The following PRKN variants were observed in gnomAD, a reference collection of about 807,000 sequenced individuals.
PRKN encodes E3 ubiquitin-protein ligase parkin.
In PRKN, 56 loss-of-function variants were observed where a neutral mutation model predicts 59.5. The ratio of observed to expected loss-of-function variants is 0.94; its 90% CI spans 0.76 to 1.18. The LOEUF (loss-of-function observed/expected upper bound fraction) is 1.18. Ranked by LOEUF, PRKN falls within the 50% of genes most tolerant of loss-of-function variation. PRKN has a pLI of 0.00. For synonymous variants in PRKN, 250 were observed against 222.1 expected (o/e 1.13, Z -1.12); for missense variants, 657 against 596.4 (o/e 1.10, Z -1.06).
chr6:162,640,601 G>T (rs576850896), intron 1 of PRKN, among the ~76,000 whole-genome samples: 3 of 152,296 alleles, frequency 2.0e-5, no homozygotes, highest in African/African-American at 7.2e-5. Context: ...AATTAAATTA[G>T]TCTCATCAGT....
At chr6:161,648,679 C>T (rs1253542588) in intron 7 of PRKN, among the ~76,000 whole-genome samples, 5 of 152,180 alleles carry the variant, frequency 3.3e-5, no homozygotes, top group Admixed American at 6.5e-5. Context: ...CTTTGTAATT[C>T]GTTGCAGAAA....
At chr6:162,517,302 C>T (rs1777903237) in intron 1 of PRKN, among the ~76,000 whole-genome samples, 1 of 149,784 alleles carries the variant, frequency 6.7e-6, no homozygotes, top group Non-Finnish European at 1.5e-5. Flanking sequence ...GGCTGGAGTG[C>T]AGTGACACAA....
At chr6:162,669,977 C>T (rs1450703612) in intron 1 of PRKN, among the ~76,000 whole-genome samples, 1 of 152,200 alleles carries the variant, frequency 6.6e-6, no homozygotes, top group Non-Finnish European at 1.5e-5. Flanking sequence ...ACTTTAGAAG[C>T]ACATTTGCAA....
At position 161,488,644 on chromosome 6, in the gene PRKN, C is replaced by T. The variant is rs751881147; in HGVS notation, c.1083+60210G>A. 3.9e-5 allele frequency among the ~76,000 whole-genome samples: 6 copies of T among 152,088 alleles called. No individual in the cohort carries two copies. Among genetic ancestry groups the T allele is most frequent in the Non-Finnish European group, 7.3e-5 (5 of 68,032 alleles). ...GGGACTAAAGGCATGCACCACCACA[C>T]CTGGCTAATTTTTAAAATTTTTTGT... On this transcript the variant is annotated intron_variant, in intron 9 of 11. Coordinates refer to ENST00000366898, the MANE Select transcript of PRKN (RefSeq NM_004562.3). This position sits in a 1 kb window ranked among gnomAD's most constrained non-coding sequence, Gnocchi z 4.5.
rs1253659780 is a variant in PRKN at position 161,440,096 on chromosome 6, G to A, written c.1084-53219C>T. Among the ~76,000 whole-genome samples, 14 of 151,728 alleles carry A rather than the reference G, an allele frequency of 9.2e-5. No individual in the cohort carries two copies. The highest frequency in any genetic ancestry group is 5.9e-5 in the Non-Finnish European group (4 of 67,944). On this transcript the variant is annotated intron_variant, in intron 9 of 11. Coordinates refer to ENST00000366898, the MANE Select transcript of PRKN (RefSeq NM_004562.3). This position sits in a 1 kb window ranked among gnomAD's most constrained non-coding sequence, Gnocchi z 4.1. ...CTCCTGAGTAGCTGGGACTACAGGC[G>A]CCCACCACCACGCCCGGCTAATTTT...
rs1363565460 is a variant in PRKN, at chr6:161,501,385, C to G, written c.1083+47469G>C. ...CCAAATGACATATGATGTTGAACAT[C>G]TTTTCATATGCTTTTTTGCATCTGT... On this transcript the variant is annotated intron_variant, in intron 9 of 11. Coordinates refer to ENST00000366898, the MANE Select transcript of PRKN (RefSeq NM_004562.3). 2.6e-5 allele frequency among the ~76,000 whole-genome samples: 4 copies of G among 152,142 alleles called. No homozygotes were observed. In the East Asian group the frequency reaches 5.8e-4, roughly 22 times the overall value.
rs908298536 is a variant in PRKN at position 161,377,879 on chromosome 6, A to G, written c.1167+8915T>C. Among the ~76,000 whole-genome samples the G allele has an allele frequency of 6.6e-6, 1 of 152,154 alleles. No homozygotes were observed. Among genetic ancestry groups the G allele is most frequent in the African/African-American group, 2.4e-5 (1 of 41,438 alleles). On this transcript the variant is annotated intron_variant, in intron 10 of 11. Coordinates refer to ENST00000366898, the MANE Select transcript of PRKN (RefSeq NM_004562.3). This position sits in a 1 kb window ranked among gnomAD's most constrained non-coding sequence, Gnocchi z 4.2. Reference sequence around the variant, plus strand: ...AGACCCCAAATCTGCTAGTGCATTCATCTTTGACTTCTGAGCCTCCAGAAC... The same window carrying G: ...AGACCCCAAATCTGCTAGTGCATTCGTCTTTGACTTCTGAGCCTCCAGAAC...
intron 7 of PRKN, among the ~76,000 whole-genome samples, chr6:161,680,641 T>A (rs1463387730): frequency 6.7e-6 from 1 of 150,078 alleles, no homozygotes. Flanking sequence ...TTACTTCATC[T>A]CAGGGGGCAG....
chr6:162,117,618 T>C (rs1489757003), intron 4 of PRKN, among the ~76,000 whole-genome samples: 1 of 152,172 alleles, frequency 6.6e-6, no homozygotes, highest in Non-Finnish European at 1.5e-5. Flanking sequence ...GATTTCCTTC[T>C]CCACTGCAGC....
At chr6:161,970,113 C>CTCAA (rs2128250969) in intron 6 of PRKN, among the ~76,000 whole-genome samples, 1 of 152,074 alleles carries the variant, frequency 6.6e-6, no homozygotes, top group Non-Finnish European at 1.5e-5. Flanking sequence ...GCACAAACAG[C>CTCAA]TCAATGCAGC....
intron 2 of PRKN, among the ~76,000 whole-genome samples, chr6:162,329,942 C>A (rs1315564091): frequency 3.3e-5 from 5 of 152,130 alleles, no homozygotes; most frequent in Non-Finnish European, 4.4e-5. Flanking sequence ...ATCCAATCTA[C>A]AACATCACAG....
intron 1 of PRKN, among the ~76,000 whole-genome samples, chr6:162,644,583 T>C (rs1013484334): frequency 2.0e-5 from 3 of 152,032 alleles, no homozygotes; most frequent in African/African-American, 7.2e-5. Flanking sequence ...AGGCAGGCAC[T>C]CCCCACAAAA....
At chr6:162,397,927 C>T (rs938195463) in intron 2 of PRKN, among the ~76,000 whole-genome samples, 1 of 151,236 alleles carries the variant, frequency 6.6e-6, no homozygotes, top group South Asian at 2.1e-4. Flanking sequence ...AGCCAAGCTA[C>T]TTGGGAGGCT....
At chr6:162,475,972 G>GAAC (rs571543132) in intron 1 of PRKN, among the ~76,000 whole-genome samples, 1 of 150,634 alleles carries the variant, frequency 6.6e-6, no homozygotes, top group African/African-American at 2.4e-5. Context: ...GGATGGTCTT[G>GAAC]TTCTCACCTC....
Position 161,698,275 on chromosome 6 carries a change from T to C in PRKN, c.871+87497A>G, listed in dbSNP as rs189768951. Among the ~76,000 whole-genome samples the C allele has an allele frequency of 1.7e-3, 262 of 152,254 alleles. 1 individual carries two copies. Among genetic ancestry groups the C allele is most frequent in the African/African-American group, 6.2e-3 (257 of 41,570 alleles). On this transcript the variant is annotated intron_variant, in intron 7 of 11. Coordinates refer to ENST00000366898, the MANE Select transcript of PRKN (RefSeq NM_004562.3). ...AAGGATATAGTAGGATAATGGGCCT[T>C]ACAGATCAACAAATTGGAGAATTTA...
chr6:162,352,589 G>A (rs1188501830), intron 2 of PRKN, among the ~76,000 whole-genome samples: 4 of 152,158 alleles, frequency 2.6e-5, no homozygotes, highest in African/African-American at 9.6e-5. Context: ...CAATCACTCA[G>A]GGGAAAGCAA....
intron 2 of PRKN, among the ~76,000 whole-genome samples, chr6:162,436,659 A>T (rs982201191): frequency 1.6e-5 from 2 of 121,894 alleles, no homozygotes; most frequent in African/African-American, 7.7e-5. Context: ...AAATCAATTT[A>T]AAAACTATGT....
At chr6:161,820,759 T>C (rs1791989510) in intron 6 of PRKN, among the ~76,000 whole-genome samples, 1 of 150,002 alleles carries the variant, frequency 6.7e-6, no homozygotes, top group South Asian at 2.1e-4. Flanking sequence ...TTTATAAGCA[T>C]AAATATATAA....
chr6:161,452,271 T>C (rs1789775001), intron 9 of PRKN, among the ~76,000 whole-genome samples: 1 of 152,126 alleles, frequency 6.6e-6, no homozygotes, highest in Admixed American at 6.5e-5. Context: ...CTTAAGTACT[T>C]CCAAAGTCTG....
Sources: gnomAD v4.1 joint callset for allele counts (sites outside exome capture counted in the v4.1 genomes callset) on GRCh38, gnomAD v4.1.1 for gene constraint, Gnocchi (gnomAD v3.1) non-coding constraint, MANE v1.5 for transcripts, NCBI Gene and HGNC (gene_info 2026-07-23, HGNC 2026-07-21) for gene names.